Variants in FAM167A observed in about 807,000 individuals in gnomAD.
The protein encoded by FAM167A is protein FAM167A.
A neutral mutation model predicts 14.9 loss-of-function variants in FAM167A; 23 were observed. The ratio of observed to expected loss-of-function variants is 1.55; its 90% CI spans 1.11 to 2.19. The LOEUF is 2.19. Ranked by LOEUF, FAM167A falls within the 30% of genes most tolerant of loss-of-function variation. FAM167A has a pLI of 0.00. For missense variants in FAM167A, 401 were observed against 281.5 expected, an observed-to-expected ratio of 1.42 and a Z score of -3.04; for synonymous variants, 174 against 117.7, an observed-to-expected ratio of 1.48 and a Z score of -3.10.
chr8:11,466,021 C>G (rs916512888), intron 1 of FAM167A, among the ~76,000 whole-genome samples: 1 of 152,108 alleles, frequency 6.6e-6, no homozygotes, highest in Non-Finnish European at 1.5e-5. Context: ...GACACCCTCC[C>G]CCCCGCCGTC....
chr8:11,444,148 A>C lies in FAM167A; in HGVS notation c.264T>G (p.Ala88=), dbSNP rs372667914. ...GQEPLLPLRE[A]GQHPPSARSA... is the part of the protein sequence containing the mutation. Reference sequence around the variant, plus strand: ...TCCTGGCAGAAGGGGGGTGCTGCCCAGCCTCTCTCAGGGGGAGCAAGGGCT... The same window carrying C: ...TCCTGGCAGAAGGGGGGTGCTGCCCCGCCTCTCTCAGGGGGAGCAAGGGCT... Residue 88 remains alanine (A), a synonymous_variant, in exon 2 of 3, where the codon GCT becomes GCG. Coordinates refer to ENST00000284486, the MANE Select transcript of FAM167A (RefSeq NM_053279.3). The C allele has an allele frequency of 1.2e-6, 2 of 1,613,036 alleles. No homozygotes were observed. Among genetic ancestry groups the C allele is most frequent in the African/African-American group, 2.7e-5 (2 of 74,932 alleles).
intron 2 of FAM167A, among the ~76,000 whole-genome samples, chr8:11,437,169 C>A (rs1806076999): frequency 6.6e-6 from 1 of 152,226 alleles, no homozygotes; most frequent in African/African-American, 2.4e-5. Flanking sequence ...TCCAGACCCA[C>A]TGCAGGGCTT....
chr8:11,445,555 G>A, intron 1 of FAM167A: 3 of 985,540 alleles, frequency 3.0e-6, no homozygotes, highest in Non-Finnish European at 3.6e-6. Flanking sequence ...TCACCTAAGT[G>A]CCCGCATGGC....
chr8:11,445,803 G>C (rs982721402), intron 1 of FAM167A, among the ~76,000 whole-genome samples: 42 of 146,054 alleles, frequency 2.9e-4, no homozygotes, highest in African/African-American at 1.1e-3. Context: ...GTAAGCCCTG[G>C]ATTTTAAGGG....
chr8:11,452,059 C>T (rs1271393920), intron 1 of FAM167A, among the ~76,000 whole-genome samples: 1 of 152,186 alleles, frequency 6.6e-6, no homozygotes, highest in African/African-American at 2.4e-5. Context: ...ATCCAAAAGG[C>T]TCCCTCTGCC....
chr8:11,444,768 C>T lies in FAM167A; in HGVS notation c.-357G>A. 1 of 1,021,786 alleles carries T rather than the reference C, an allele frequency of 9.8e-7. No homozygotes were observed. The highest frequency in any genetic ancestry group is 9.3e-5 in the East Asian group (1 of 10,784). The allele number at this position is 1,021,786 out of a possible 1,614,324, so 63.3% of individuals were successfully genotyped here. A position where few individuals can be genotyped will look rare whatever the true frequency, so the allele number is the denominator to read the frequency against. ...AGACCAGACTGGCAGGAAGAAGGCC[C>T]AGAGCTCTCTCTTCTCGGGAAGGGC... On this transcript the variant is annotated 5_prime_UTR_variant, in exon 2 of 3. Coordinates refer to ENST00000284486, the MANE Select transcript of FAM167A (RefSeq NM_053279.3).
At chr8:11,473,765 T>A (rs574982988) in intron 1 of FAM167A, among the ~76,000 whole-genome samples, 1 of 152,224 alleles carries the variant, frequency 6.6e-6, no homozygotes, top group Non-Finnish European at 1.5e-5. Flanking sequence ...TGAAGTTCAC[T>A]GTGAGGATTA....
intron 2 of FAM167A, chr8:11,434,998 C>T: frequency 2.2e-6 from 1 of 456,338 alleles, no homozygotes. Context: ...CACCTCAGCT[C>T]CCAGCATCTG....
rs544879401 is a variant in FAM167A, at chr8:11,441,920, G to A, written c.381+2111C>T. On this transcript the variant is annotated intron_variant, in intron 2 of 2. Transcript: ENST00000284486. ...AGCAGGGGTACCAGGAAGGTCATCC[G>A]ACAATTAGAAGAGGTGAGTAATGCC... Among the ~76,000 whole-genome samples, 12 of 152,290 alleles carry A rather than the reference G, an allele frequency of 7.9e-5. No homozygotes were observed. In the South Asian group the frequency reaches 1.5e-3, roughly 18 times the overall value.
chr8:11,446,369 A>C (rs1264185066), intron 1 of FAM167A: 1 of 151,958 alleles, frequency 6.6e-6, no homozygotes, highest in East Asian at 1.9e-4. Flanking sequence ...GGAATAGTCC[A>C]CCCCAACTGG....
chr8:11,436,673 A>G (rs1806040882), intron 2 of FAM167A, among the ~76,000 whole-genome samples: 2 of 152,204 alleles, frequency 1.3e-5, no homozygotes, highest in South Asian at 2.1e-4. Context: ...AGCCAAGGTG[A>G]TAACTGTCCT....
intron 2 of FAM167A, chr8:11,438,248 C>A (rs1585248417): frequency 4.8e-6 from 2 of 415,772 alleles, no homozygotes; most frequent in Non-Finnish European, 9.7e-6. Flanking sequence ...ACTCCCTTCT[C>A]CTTGACCCTG....
At chr8:11,446,178 G>T (rs1395368296) in intron 1 of FAM167A, among the ~76,000 whole-genome samples, 2 of 152,160 alleles carry the variant, frequency 1.3e-5, no homozygotes, top group African/African-American at 4.8e-5. Flanking sequence ...CGGTGTCCTG[G>T]GATTCCTCTC....
At chr8:11,451,848 C>T (rs1360631110) in intron 1 of FAM167A, among the ~76,000 whole-genome samples, 1 of 152,218 alleles carries the variant, frequency 6.6e-6, no homozygotes, top group Non-Finnish European at 1.5e-5. Context: ...CCTGCCTCTG[C>T]CTTCTGGATC....
rs1337970620 is a variant in FAM167A at position 11,423,001 on chromosome 8, T to C, written c.*1372A>G. Reference sequence around the variant, plus strand: ...CGACCATCTTTGGGGTTCAAGTTCATTGACATGTGATCTACTAGGCATTAT... The same window carrying C: ...CGACCATCTTTGGGGTTCAAGTTCACTGACATGTGATCTACTAGGCATTAT... On this transcript the variant is annotated 3_prime_UTR_variant, in exon 3 of 3. Transcript: ENST00000284486. 1 of 152,672 alleles carries C rather than the reference T, an allele frequency of 6.5e-6. No individual in the cohort carries two copies. The highest frequency in any genetic ancestry group is 1.5e-5 in the Non-Finnish European group (1 of 68,052). 9.5% of individuals were successfully genotyped at this position (152,672 alleles called of 1,614,324 possible).
At chr8:11,461,783 C>T (rs138868859) in intron 1 of FAM167A, among the ~76,000 whole-genome samples, 2 of 152,328 alleles carry the variant, frequency 1.3e-5, no homozygotes, top group African/African-American at 2.4e-5. Flanking sequence ...GGGGATTTGT[C>T]CAGATGATCT....
At chr8:11,433,210 A>T (rs1805738773) in intron 2 of FAM167A, among the ~76,000 whole-genome samples, 1 of 151,660 alleles carries the variant, frequency 6.6e-6, no homozygotes, top group South Asian at 2.1e-4. Context: ...ATGATAAAAA[A>T]AAATAAAAAA....
intron 2 of FAM167A, among the ~76,000 whole-genome samples, chr8:11,431,468 C>T (rs938571501): frequency 1.5e-4 from 23 of 152,262 alleles, no homozygotes; most frequent in African/African-American, 2.6e-4. Context: ...ATGGTGGTGA[C>T]GGCTGCACAG....
intron 1 of FAM167A, among the ~76,000 whole-genome samples, chr8:11,449,903 C>T (rs1045528509): frequency 1.3e-5 from 2 of 152,212 alleles, no homozygotes; most frequent in African/African-American, 2.4e-5. Context: ...CTAATCTGTT[C>T]ACCTGGAAAA....
Sources: gnomAD v4.1 joint callset for allele counts (sites outside exome capture counted in the v4.1 genomes callset) on GRCh38, gnomAD v4.1.1 for gene constraint, MANE v1.5 for transcripts, NCBI Gene and HGNC (gene_info 2026-07-23, HGNC 2026-07-21) for gene names.